Variants in SLC9A7 observed in about 807,000 individuals in gnomAD.
SLC9A7 encodes sodium/hydrogen exchanger 7.
In SLC9A7, 19 loss-of-function variants were observed where a neutral mutation model predicts 52.6. That is an observed-to-expected ratio of 0.36 (90% confidence interval 0.25 to 0.53). SLC9A7 has a LOEUF of 0.53. Ranked by LOEUF, SLC9A7 falls within the 20% of genes least tolerant of loss-of-function variation. SLC9A7 has a pLI of 0.91. For synonymous variants in SLC9A7, 226 were observed against 252.1 expected (o/e 0.90, Z 0.98); for missense variants, 455 against 597.9 (o/e 0.76, Z 2.49).
At chrX:46,636,539 C>T (rs1343164485) in intron 12 of SLC9A7, among the ~76,000 whole-genome samples, 2 of 109,822 alleles carry the variant, frequency 1.8e-5, no homozygotes, top group African/African-American at 3.3e-5. Context: ...GTCCCCTGGG[C>T]GGCAAAATTG....
rs969265644 is a variant in SLC9A7 at position 46,606,065 on chromosome X, G to T, written c.*887C>A. The stretch of plus-strand genomic sequence containing the variant: ...AGCTAATCAGGAGGCTGAGGCAGGA[G>T]AATCACTTGAACCCGTGAGGCAGAG... On this transcript the variant is annotated 3_prime_UTR_variant, in exon 17 of 17. Coordinates refer to ENST00000616978, the MANE Select transcript of SLC9A7 (RefSeq NM_001257291.2). 2 of 130,137 alleles carry T rather than the reference G, an allele frequency of 1.5e-5. No homozygotes were observed. The highest frequency in any genetic ancestry group is 5.5e-4 in the East Asian group (2 of 3,634). 10.7% of individuals were successfully genotyped at this position (130,137 alleles called of 1,213,427 possible). A position where few individuals can be genotyped will look rare whatever the true frequency, so the allele number is the denominator to read the frequency against.
At chrX:46,654,664 G>A (rs1943641167) in intron 7 of SLC9A7, among the ~76,000 whole-genome samples, 1 of 110,185 alleles carries the variant, frequency 9.1e-6, no homozygotes, top group African/African-American at 3.3e-5. Flanking sequence ...CACAACAGGT[G>A]CCTAAGGAAG....
Position 46,693,000 on chromosome X carries a change from A to G in SLC9A7, c.326-10465T>C, listed in dbSNP as rs377190906. Among the ~76,000 whole-genome samples the G allele has an allele frequency of 3.3e-4, 37 of 111,329 alleles. No individual in the cohort carries two copies. In the East Asian group the frequency reaches 5.1e-3, roughly 15 times the overall value. ...TTTTCTAAGTGCCAGTTGTATGAAA[A>G]AATCCAAATTGTACAAATACTCGTT... is the stretch of plus-strand genomic sequence containing the variant. On this transcript the variant is annotated intron_variant, in intron 1 of 16. Coordinates refer to ENST00000616978, the MANE Select transcript of SLC9A7 (RefSeq NM_001257291.2).
At position 46,692,167 on chromosome X, in the gene SLC9A7, C is replaced by A. The variant is rs1431670769; in HGVS notation, c.326-9632G>T. Among the ~76,000 whole-genome samples, 4 of 111,175 alleles carry A rather than the reference C, an allele frequency of 3.6e-5. No homozygotes were observed. The Admixed American group carries it at 3.8e-4, about 11-fold the overall frequency. On this transcript the variant is annotated intron_variant, in intron 1 of 16. Coordinates refer to ENST00000616978, the MANE Select transcript of SLC9A7 (RefSeq NM_001257291.2). ...TAGCAACCTTACTATTAAAAATTCC[C>A]ATTAAAATGGGAAATAAGTATCTGC...
chrX:46,607,546 G>C (rs1942770425), intron 16 of SLC9A7, among the ~76,000 whole-genome samples: 1 of 111,637 alleles, frequency 9.0e-6, no homozygotes, highest in Non-Finnish European at 1.9e-5. Flanking sequence ...GTTGCAAATA[G>C]GTTTCAGGTA....
intron 3 of SLC9A7, among the ~76,000 whole-genome samples, chrX:46,679,353 C>T (rs1230367140): frequency 8.9e-6 from 1 of 112,510 alleles, no homozygotes; most frequent in Non-Finnish European, 1.9e-5. Flanking sequence ...TAGGTTTTTA[C>T]GTGAACATAA....
chrX:46,640,108 T>C (rs958113328), intron 12 of SLC9A7, among the ~76,000 whole-genome samples: 2 of 111,807 alleles, frequency 1.8e-5, no homozygotes, highest in African/African-American at 6.5e-5. Context: ...AAAATTTATA[T>C]GGAAAGGAAC....
intron 11 of SLC9A7, among the ~76,000 whole-genome samples, chrX:46,648,249 G>A: frequency 8.9e-6 from 1 of 112,027 alleles, no homozygotes; most frequent in Non-Finnish European, 1.9e-5. Context: ...CAGCTAATTA[G>A]TTCAATTTCA....
At chrX:46,656,208 A>G (rs1402349561) in intron 7 of SLC9A7, among the ~76,000 whole-genome samples, 9 of 111,309 alleles carry the variant, frequency 8.1e-5, no homozygotes, top group Admixed American at 4.7e-4. Context: ...CATCCACACC[A>G]AAAACCCATC....
chrX:46,726,645 C>T (rs1944949681), intron 1 of SLC9A7, among the ~76,000 whole-genome samples: 1 of 111,690 alleles, frequency 9.0e-6, no homozygotes. Flanking sequence ...TGAGACCAAG[C>T]GGCAACCAGA....
At chrX:46,633,336 TAAAAAAAAAAAAAAAAAAAAAAAAAA>T (rs397836432) in intron 13 of SLC9A7, among the ~76,000 whole-genome samples, 101 of 8,122 alleles carry the variant, frequency 0.012, no homozygotes, top group Middle Eastern at 0.091. Context: ...TTGCTGCTGC[TAAAAAAAAAAAAAAAAAAAAAAAAAA>T]AAAAAAAAAA....
intron 1 of SLC9A7, among the ~76,000 whole-genome samples, chrX:46,722,459 T>C (rs1284928656): frequency 8.9e-6 from 1 of 112,328 alleles, no homozygotes; most frequent in Non-Finnish European, 1.9e-5. Context: ...GTTCTTCATG[T>C]ACAAGTAAGC....
Position 46,651,854 on chromosome X carries a change from GAAAAAAAAGA to G in SLC9A7, c.1148-460_1148-451del, listed in dbSNP as rs768369083. Among the ~76,000 whole-genome samples the G allele has an allele frequency of 9.9e-3, 783 of 78,697 alleles. 5 individuals are homozygous for G. The highest frequency in any genetic ancestry group is 0.029 in the African/African-American group (746 of 25,434). The allele number at this position is 78,697 out of a possible 115,157, so 68.3% of individuals were successfully genotyped here. A position where few individuals can be genotyped will look rare whatever the true frequency, so the allele number is the denominator to read the frequency against. On this transcript the variant is annotated intron_variant, in intron 8 of 16. Transcript: ENST00000616978. ...AAAGAAAAAAAAAAAAAAAGAAAAA[GAAAAAAAAGA>G]AAAAAAAGTTTCCTATTACTACTGA...
In SLC9A7 at chrX:46,695,784, G is replaced by A. The variant is rs920710537; in HGVS notation, c.326-13249C>T. 8.2e-5 allele frequency among the ~76,000 whole-genome samples: 9 copies of A among 109,908 alleles called. No homozygotes were observed. In the Admixed American group the frequency reaches 8.9e-4, roughly 11 times the overall value. ...TATCCTTAGCACATGGAAGTGCCTG[G>A]CATACTAGGTACTCAAAACATATTT... On this transcript the variant is annotated intron_variant, in intron 1 of 16. Coordinates refer to ENST00000616978, the MANE Select transcript of SLC9A7 (RefSeq NM_001257291.2).
chrX:46,677,971 T>G (rs1289668976), intron 3 of SLC9A7, among the ~76,000 whole-genome samples: 1 of 112,164 alleles, frequency 8.9e-6, no homozygotes, highest in Non-Finnish European at 1.9e-5. Flanking sequence ...GTTGCCAGAT[T>G]TATTTTTCTT....
At chrX:46,675,620 C>T (rs1164783977) in intron 3 of SLC9A7, among the ~76,000 whole-genome samples, 1 of 112,231 alleles carries the variant, frequency 8.9e-6, no homozygotes, top group Non-Finnish European at 1.9e-5. Context: ...CCTTCTCTTG[C>T]CCTCCTTTCA....
rs782725102 is a variant in SLC9A7 at position 46,758,755 on chromosome X, T to C, written c.275A>G (p.Lys92Arg). Residue 92 changes from lysine (K) to arginine (R), a missense_variant, in exon 1 of 17, where the codon AAG (lysine) becomes AGG (arginine). By Grantham distance (26) the Lys-to-Arg change is conservative. This residue lies in a region of SLC9A7 where 304 missense variants were observed against 417.8 expected (regional missense o/e 0.73). Transcript: ENST00000616978. ...TLTILTIWLF[K>R]HRRVRFLHET... ...GTGCAGAAAGCGCACCCGGCGGTGC[T>C]TGAAGAGCCAGATGGTGAGGATGGT... 1.7e-5 allele frequency: 20 copies of C among 1,199,031 alleles called. No homozygotes were observed. Among genetic ancestry groups the C allele is most frequent in the South Asian group, 3.6e-5 (2 of 54,798 alleles).
chrX:46,661,965 T>C, intron 7 of SLC9A7, 51 bp downstream of exon 7: 1 of 1,081,068 alleles, frequency 9.3e-7, no homozygotes, highest in Non-Finnish European at 1.2e-6. Context: ...TTTGAAAGTG[T>C]AATGCCACAC....
chrX:46,640,069 T>C (rs1250789934), intron 12 of SLC9A7, among the ~76,000 whole-genome samples: 2 of 111,968 alleles, frequency 1.8e-5, no homozygotes. Flanking sequence ...CCCAGCAAGA[T>C]TTTTTTTACA....
Sources: allele counts gnomAD v4.1 joint callset (sites outside exome capture counted in the v4.1 genomes callset), GRCh38; gene constraint gnomAD v4.1.1; regional missense constraint gnomAD v4.1.1; transcripts MANE v1.5; gene names NCBI Gene and HGNC (gene_info 2026-07-23, HGNC 2026-07-21).